The following TANC2 variants were observed in gnomAD, a reference collection of about 807,000 sequenced individuals.
TANC2 encodes tetratricopeptide repeat, ankyrin repeat and coiled-coil containing 2.
A neutral mutation model predicts 210.5 loss-of-function variants in TANC2; 26 were observed. That is an observed-to-expected ratio of 0.12 (90% CI 0.09 to 0.17). The LOEUF (loss-of-function observed/expected upper bound fraction) is 0.17. TANC2 is among the 10% of genes least tolerant of loss of function. The pLI is 1.00. For missense variants in TANC2, 2,129 were observed against 2,608.9 expected (o/e 0.82, Z 4.01); for synonymous variants, 931 against 967.1 (o/e 0.96, Z 0.69).
chr17:63,018,311 A>C (rs946245826), intron 2 of TANC2, among the ~76,000 whole-genome samples: 7 of 151,654 alleles, frequency 4.6e-5, no homozygotes, highest in Admixed American at 1.3e-4. Flanking sequence ...GCCAACGTGG[A>C]GAAACCCGTC....
intron 5 of TANC2, among the ~76,000 whole-genome samples, chr17:63,184,797 G>A (rs1209773445): frequency 6.6e-6 from 1 of 151,794 alleles, no homozygotes; most frequent in Non-Finnish European, 1.5e-5. Context: ...GGGATTACAG[G>A]CGCCTGCCAC....
rs2031339588 is a variant in TANC2, at chr17:62,966,494, C to T, written c.-279C>T. 6.7e-6 allele frequency among the ~76,000 whole-genome samples: 1 copy of T among 148,972 alleles called. No homozygotes were observed. The highest frequency in any genetic ancestry group is 2.1e-4 in the South Asian group (1 of 4,826). On this transcript the variant is annotated 5_prime_UTR_variant, in exon 1 of 28. Transcript: ENST00000689528. The surrounding 1 kb of genome is among the most constrained non-coding windows in gnomAD (Gnocchi z 5.1). Reference sequence around the variant, plus strand: ...CCGCGCGCTAGGCGGAGCGAGGCGCCCGCCGCCGCCGAGCCGAGCCGAGGG... The same window carrying T: ...CCGCGCGCTAGGCGGAGCGAGGCGCTCGCCGCCGCCGAGCCGAGCCGAGGG...
At chr17:63,117,871 T>C (rs1436145886) in intron 4 of TANC2, among the ~76,000 whole-genome samples, 1 of 152,230 alleles carries the variant, frequency 6.6e-6, no homozygotes, top group Non-Finnish European at 1.5e-5. Context: ...TGACATCTAG[T>C]TTTCAAGGAA....
chr17:63,204,585 G>C (rs536885925), intron 7 of TANC2, among the ~76,000 whole-genome samples: 1 of 150,454 alleles, frequency 6.6e-6, no homozygotes, highest in African/African-American at 2.5e-5. Context: ...AAAACCTAGC[G>C]ACACTCTGTT....
intron 17 of TANC2, chr17:63,391,725 CTTT>C (rs34888723): frequency 2.2e-5 from 3 of 135,064 alleles, no homozygotes; most frequent in Middle Eastern, 3.5e-3. Flanking sequence ...AATAATAAAC[CTTT>C]TTTTTTTTTT....
chr17:63,063,564 GTGTGTGTGTGT>G (rs1250894753), intron 2 of TANC2, among the ~76,000 whole-genome samples: 23 of 113,778 alleles, frequency 2.0e-4, no homozygotes, highest in African/African-American at 7.4e-4. Context: ...GTGTGTGTGT[GTGTGTGTGTGT>G]AGATATATCT....
At chr17:63,082,936 A>G (rs2036833009) in intron 3 of TANC2, among the ~76,000 whole-genome samples, 1 of 152,220 alleles carries the variant, frequency 6.6e-6, no homozygotes, top group Non-Finnish European at 1.5e-5. Context: ...TTCCCTTTCA[A>G]AGAGATACAG....
chr17:63,122,981 A>T (rs1266278755), intron 4 of TANC2, among the ~76,000 whole-genome samples: 5 of 152,194 alleles, frequency 3.3e-5, no homozygotes, highest in African/African-American at 4.8e-5. Context: ...TTCATGAAGG[A>T]TGCTCTGGAA....
At chr17:63,366,155 A>G (rs574166293) in intron 14 of TANC2, among the ~76,000 whole-genome samples, 2 of 152,002 alleles carry the variant, frequency 1.3e-5, no homozygotes, top group Non-Finnish European at 2.9e-5. Flanking sequence ...TCTTCCCACA[A>G]CTCAACAGAT....
intron 9 of TANC2, among the ~76,000 whole-genome samples, chr17:63,288,914 G>A (rs942868235): frequency 2.0e-4 from 31 of 152,078 alleles, no homozygotes; most frequent in African/African-American, 7.0e-4. Flanking sequence ...ATTTGTCCAG[G>A]AAAGTCTTTA....
At chr17:63,376,278 C>CAAA (rs773965665) in intron 14 of TANC2, among the ~76,000 whole-genome samples, 1 of 120,850 alleles carries the variant, frequency 8.3e-6, no homozygotes, top group Non-Finnish European at 1.8e-5. Flanking sequence ...CTAAAAAATA[C>CAAA]AAAAAAAAAA....
intron 1 of TANC2, chr17:62,967,533 T>C (rs2031420006): frequency 2.0e-5 from 3 of 152,186 alleles, no homozygotes; most frequent in African/African-American, 7.2e-5. Context: ...TCGGGTGTCT[T>C]TCACTCTCTT....
chr17:63,005,675 G>T (rs2033588695), intron 1 of TANC2, among the ~76,000 whole-genome samples: 1 of 151,832 alleles, frequency 6.6e-6, no homozygotes, highest in South Asian at 2.1e-4. Flanking sequence ...CTTTTGTTAA[G>T]GATATTTCTG....
rs202211547 is a variant in TANC2 at position 63,311,192 on chromosome 17, G to GTGATTATAA, written c.1160-3195_1160-3187dup. 8.3e-3 allele frequency among the ~76,000 whole-genome samples: 1,269 copies of GTGATTATAA among 152,276 alleles called. 15 individuals are homozygous for GTGATTATAA. Among genetic ancestry groups the GTGATTATAA allele is most frequent in the African/African-American group, 0.028 (1,161 of 41,534 alleles). Reference sequence around the variant, plus strand: ...AGTAAAGGCTATTTCATTGTTAGCTGTGATTATAACAGTGGAAAACCAAAA... The same window carrying GTGATTATAA: ...AGTAAAGGCTATTTCATTGTTAGCTGTGATTATAATGATTATAACAGTGGAAAACCAAAA... On this transcript the variant is annotated intron_variant, in intron 9 of 27. Coordinates refer to ENST00000689528, the Ensembl canonical transcript of TANC2.
rs184872083 is a variant in TANC2 at position 63,028,192 on chromosome 17, T to C, written c.67+18566T>C. Among the ~76,000 whole-genome samples, 42 of 152,248 alleles carry C rather than the reference T, an allele frequency of 2.8e-4. 1 individual carries two copies. In the South Asian group the frequency reaches 3.9e-3, roughly 14 times the overall value. ...GGTTTGTTTTTTCCTTTAATATTAA[T>C]TTTTAAATATTTCACTTGTGTTATA... On this transcript the variant is annotated intron_variant, in intron 2 of 27. Coordinates refer to ENST00000689528, the Ensembl canonical transcript of TANC2.
At chr17:63,306,616 T>C (rs17760031) in intron 9 of TANC2, among the ~76,000 whole-genome samples, 3,162 of 152,272 alleles carry the variant, frequency 0.021, 41 homozygotes, top group South Asian at 0.038. Flanking sequence ...AATTAGTATT[T>C]ATGATAAATT....
At chr17:63,354,362 G>A (rs2146900000) in intron 13 of TANC2, among the ~76,000 whole-genome samples, 1 of 152,224 alleles carries the variant, frequency 6.6e-6, no homozygotes, top group East Asian at 1.9e-4. Flanking sequence ...ATTTTATTAG[G>A]AGAGTTAGAA....
At chr17:63,065,880 CAGA>C (rs1282669324) in intron 2 of TANC2, among the ~76,000 whole-genome samples, 2 of 152,074 alleles carry the variant, frequency 1.3e-5, no homozygotes, top group East Asian at 1.9e-4. Context: ...CTTTGCTGTG[CAGA>C]AGGTTTTTTT....
chr17:63,301,289 T>G (rs547422814), intron 9 of TANC2, among the ~76,000 whole-genome samples: 1 of 152,210 alleles, frequency 6.6e-6, no homozygotes, highest in Non-Finnish European at 1.5e-5. Context: ...GATGCTGGCC[T>G]CATAAAATGA....
Sources: gnomAD v4.1 joint callset for allele counts (sites outside exome capture counted in the v4.1 genomes callset) on GRCh38, gnomAD v4.1.1 for gene constraint, Gnocchi (gnomAD v3.1) non-coding constraint, MANE v1.5 for transcripts, NCBI Gene and HGNC (gene_info 2026-07-23, HGNC 2026-07-21) for gene names.